The following LGR4 variants were observed in gnomAD, a reference collection of about 807,000 sequenced individuals.
LGR4 encodes leucine rich repeat containing G protein-coupled receptor 4.
Under a neutral mutation model 84.8 loss-of-function variants are expected in LGR4, and 44 were observed. The observed-to-expected ratio is 0.52, with a 90% confidence interval of 0.41 to 0.67. LGR4 has a LOEUF of 0.67. LGR4 is among the 30% of genes least tolerant of loss of function. The pLI is 0.00. For missense variants in LGR4, 1,032 were observed against 1,131.4 expected, an observed-to-expected ratio of 0.91 and a Z score of 1.26; for synonymous variants, 429 against 434.3, an observed-to-expected ratio of 0.99 and a Z score of 0.15.
chr11:27,385,803 T>C (rs1402337754), intron 4 of LGR4, among the ~76,000 whole-genome samples: 1 of 96,672 alleles, frequency 1.0e-5, no homozygotes, highest in Non-Finnish European at 2.1e-5. Flanking sequence ...TAGAGCATAA[T>C]TATCAGGCAT....
intron 1 of LGR4, among the ~76,000 whole-genome samples, chr11:27,417,897 A>AAT (rs763860507): frequency 2.6e-5 from 4 of 152,328 alleles, no homozygotes; most frequent in Non-Finnish European, 2.9e-5. Flanking sequence ...ACTGAAGTCT[A>AAT]ATATATATCA....
intron 1 of LGR4, among the ~76,000 whole-genome samples, chr11:27,419,467 A>G (rs929066593): frequency 6.6e-6 from 1 of 151,840 alleles, no homozygotes; most frequent in African/African-American, 2.4e-5. Flanking sequence ...TGTTGGCAAC[A>G]AGCAAGATGG....
At chr11:27,439,104 T>G (rs1261905755) in intron 1 of LGR4, among the ~76,000 whole-genome samples, 1 of 152,130 alleles carries the variant, frequency 6.6e-6, no homozygotes, top group Non-Finnish European at 1.5e-5. Flanking sequence ...TGATGGTAAA[T>G]GGAGATTTAC....
At chr11:27,422,445 C>T (rs573700561) in intron 1 of LGR4, among the ~76,000 whole-genome samples, 3 of 152,164 alleles carry the variant, frequency 2.0e-5, no homozygotes, top group African/African-American at 4.8e-5. Flanking sequence ...TGGGTCATAG[C>T]CAACTTTTTT....
intron 4 of LGR4, among the ~76,000 whole-genome samples, chr11:27,387,037 C>T (rs902494070): frequency 1.3e-5 from 2 of 152,136 alleles, no homozygotes; most frequent in African/African-American, 4.8e-5. Flanking sequence ...TGCACACACA[C>T]ATGCGCACAC....
rs770920604 is a variant in LGR4, at chr11:27,384,428, A to C, written c.618-21T>G. 14 of 1,551,824 alleles carry C rather than the reference A, an allele frequency of 9.0e-6. No homozygotes were observed. The Middle Eastern group carries it at 5.2e-4, about 58-fold the overall frequency. On this transcript the variant is annotated intron_variant, in intron 5 of 17. Coordinates refer to ENST00000379214, the MANE Select transcript of LGR4 (RefSeq NM_018490.5). Reference sequence around the variant, plus strand: ...GATGCCTAAGGGGGAAAAAAAGCATAAAATGACTTTTCCATCTCCCATTGG... The same window carrying C: ...GATGCCTAAGGGGGAAAAAAAGCATCAAATGACTTTTCCATCTCCCATTGG...
At chr11:27,382,034 C>G (rs1387945616) in intron 7 of LGR4, among the ~76,000 whole-genome samples, 154 bp downstream of exon 7, 1 of 152,112 alleles carries the variant, frequency 6.6e-6, no homozygotes, top group South Asian at 2.1e-4. Context: ...TCTCTGTCAT[C>G]GAACACAATC....
chr11:27,374,465 C>T (rs1862940272), intron 13 of LGR4, among the ~76,000 whole-genome samples: 1 of 152,088 alleles, frequency 6.6e-6, no homozygotes, highest in Non-Finnish European at 1.5e-5. Context: ...CGAGAGAAGA[C>T]AAACAATCAA....
intron 1 of LGR4, among the ~76,000 whole-genome samples, chr11:27,469,878 A>T (rs1380598128): frequency 6.6e-6 from 1 of 152,154 alleles, no homozygotes; most frequent in Non-Finnish European, 1.5e-5. Context: ...CCCATATATG[A>T]TCGACTGGAG....
rs566856282 is a variant in LGR4 at position 27,436,480 on chromosome 11, T to A, written c.186-23620A>T. On this transcript the variant is annotated intron_variant, in intron 1 of 17. Transcript: ENST00000379214. The stretch of plus-strand genomic sequence containing the variant: ...AAGAAATATTCTAAAACTACTTATT[T>A]ATCCAGGAAATTTATCCTGGATGGA... 1.1e-3 allele frequency among the ~76,000 whole-genome samples: 171 copies of A among 152,236 alleles called. 1 individual carries two copies. Among genetic ancestry groups the A allele is most frequent in the African/African-American group, 4.0e-3 (168 of 41,548 alleles).
chr11:27,371,204 G>A (rs986103426), intron 17 of LGR4, among the ~76,000 whole-genome samples: 1 of 152,160 alleles, frequency 6.6e-6, no homozygotes, highest in African/African-American at 2.4e-5. Context: ...TGTGGTATCA[G>A]TTTAATAACT....
chr11:27,432,787 G>A (rs1173795337), intron 1 of LGR4, among the ~76,000 whole-genome samples: 1 of 152,122 alleles, frequency 6.6e-6, no homozygotes, highest in Non-Finnish European at 1.5e-5. Flanking sequence ...TTCTTTGCAT[G>A]CTTCACCTAT....
Position 27,384,352 on chromosome 11 carries a change from C to T in LGR4, c.673G>A (p.Asp225Asn), listed in dbSNP as rs1381704985. 3 of 1,606,236 alleles carry T rather than the reference C, an allele frequency of 1.9e-6. No individual in the cohort carries two copies. In the African/African-American group the frequency reaches 4.0e-5, roughly 21 times the overall value. ...TATACTTACAAGGTCTCCAGGTTAT[C>T]TAGTCCATCAAAACAGTGTTGACTC... ...SLSQHCFDGL[D>N]NLETLDLNYN... Residue 225 changes from aspartate (D) to asparagine (N), a missense_variant, in exon 6 of 18, where the codon GAT becomes AAT. Coordinates refer to ENST00000379214, the MANE Select transcript of LGR4 (RefSeq NM_018490.5).
intron 1 of LGR4, among the ~76,000 whole-genome samples, chr11:27,431,550 C>A (rs1404437941): frequency 6.6e-6 from 1 of 152,214 alleles, no homozygotes; most frequent in Non-Finnish European, 1.5e-5. Context: ...TATGTAAACA[C>A]CATGGACGTT....
At chr11:27,430,774 A>T (rs1425268801) in intron 1 of LGR4, among the ~76,000 whole-genome samples, 1 of 152,074 alleles carries the variant, frequency 6.6e-6, no homozygotes, top group Admixed American at 6.6e-5. Context: ...ATCTTTTTAA[A>T]ACAAGAAGAC....
chr11:27,435,875 C>G (rs1297029495), intron 1 of LGR4, among the ~76,000 whole-genome samples: 2 of 151,644 alleles, frequency 1.3e-5, no homozygotes, highest in African/African-American at 4.8e-5. Flanking sequence ...GAGGTAGGTT[C>G]TATCGCTATT....
At chr11:27,411,269 A>T (rs1185059342) in intron 2 of LGR4, among the ~76,000 whole-genome samples, 1 of 152,078 alleles carries the variant, frequency 6.6e-6, no homozygotes, top group African/African-American at 2.4e-5. Flanking sequence ...AAGCATCTTA[A>T]GGCTTCATAA....
chr11:27,418,852 A>G (rs888326447), intron 1 of LGR4, among the ~76,000 whole-genome samples: 1 of 88,596 alleles, frequency 1.1e-5, no homozygotes, highest in Admixed American at 1.2e-4. Flanking sequence ...TTTTTTTTTG[A>G]GACTGGAGTC....
At chr11:27,388,834 T>C (rs1299916372) in intron 4 of LGR4, among the ~76,000 whole-genome samples, 2 of 152,146 alleles carry the variant, frequency 1.3e-5, no homozygotes, top group African/African-American at 2.4e-5. Flanking sequence ...GATCTTTTAA[T>C]AGTCAATAAA....
Sources: allele counts gnomAD v4.1 joint callset (sites outside exome capture counted in the v4.1 genomes callset), GRCh38; gene constraint gnomAD v4.1.1; transcripts MANE v1.5; gene names NCBI Gene and HGNC (gene_info 2026-07-23, HGNC 2026-07-21).